The following FAM151B variants were observed in gnomAD, a reference collection of about 807,000 sequenced individuals.
FAM151B encodes family with sequence similarity 151 member B.
In FAM151B, 24 loss-of-function variants were observed where a neutral mutation model predicts 31.2. That is an observed-to-expected ratio of 0.77 (90% CI 0.56 to 1.08). The LOEUF (loss-of-function observed/expected upper bound fraction) is 1.08. Among genes scored for constraint, FAM151B ranks in the 50% least tolerant of loss-of-function variants. The pLI, the probability that FAM151B is intolerant of heterozygous loss-of-function variation, is 0.00. For missense variants in FAM151B, 293 were observed against 328.6 expected, an observed-to-expected ratio of 0.89 and a Z score of 0.84; for synonymous variants, 105 against 111.4, an observed-to-expected ratio of 0.94 and a Z score of 0.36.
intron 2 of FAM151B, chr5:80,506,222 A>T: frequency 1.9e-6 from 1 of 532,964 alleles, no homozygotes; most frequent in Non-Finnish European, 2.4e-6. Flanking sequence ...ACTGGGCTCA[A>T]TTAGACTCAA....
intron 5 of FAM151B, among the ~76,000 whole-genome samples, chr5:80,530,597 C>G (rs1745193504): frequency 6.6e-6 from 1 of 152,130 alleles, no homozygotes; most frequent in South Asian, 2.1e-4. Context: ...CAATAACAGG[C>G]AAACAGAGAG....
At chr5:80,490,999 A>C (rs1304776137) in intron 1 of FAM151B, among the ~76,000 whole-genome samples, 1 of 152,146 alleles carries the variant, frequency 6.6e-6, no homozygotes, top group Non-Finnish European at 1.5e-5. Flanking sequence ...CAAATAGCAA[A>C]CTTTCTTTTT....
At chr5:80,510,112 T>TC (rs1744125442) in intron 2 of FAM151B, among the ~76,000 whole-genome samples, 1 of 152,216 alleles carries the variant, frequency 6.6e-6, no homozygotes, top group African/African-American at 2.4e-5. Context: ...TGTAATAGAA[T>TC]ACCCAAAAAT....
chr5:80,525,574 A>G (rs964914740), intron 5 of FAM151B, among the ~76,000 whole-genome samples: 4 of 152,170 alleles, frequency 2.6e-5, no homozygotes, highest in African/African-American at 9.7e-5. Context: ...GGAAGGTCTC[A>G]GGAGGGTGGA....
intron 3 of FAM151B, among the ~76,000 whole-genome samples, chr5:80,517,520 GT>G (rs1252872986): frequency 8.5e-5 from 13 of 152,122 alleles, no homozygotes; most frequent in Admixed American, 8.5e-4. Flanking sequence ...ACAACAAAAA[GT>G]TTTTGGTTCT....
intron 5 of FAM151B, among the ~76,000 whole-genome samples, chr5:80,538,432 CTT>C (rs1246846175): frequency 6.1e-3 from 357 of 58,640 alleles, no homozygotes; most frequent in African/African-American, 0.021. Flanking sequence ...TTCTTTCTTT[CTT>C]TCTTTCTTTC....
chr5:80,499,009 G>T (rs1743646452), intron 1 of FAM151B: 2 of 162,710 alleles, frequency 1.2e-5, no homozygotes, highest in Non-Finnish European at 2.6e-5. Flanking sequence ...ACAGATGGCA[G>T]ATGGAAAAAA....
intron 2 of FAM151B, among the ~76,000 whole-genome samples, chr5:80,504,725 G>A (rs113087808): frequency 1.3e-5 from 2 of 151,828 alleles, no homozygotes; most frequent in Non-Finnish European, 2.9e-5. Flanking sequence ...TCACCATGTT[G>A]GCTAGGATGG....
chr5:80,498,753 CT>C, intron 1 of FAM151B: 1 of 555,142 alleles, frequency 1.8e-6, no homozygotes, highest in Admixed American at 2.0e-5. Context: ...AGACTTCTTC[CT>C]TTTCTTAGCA....
intron 2 of FAM151B, among the ~76,000 whole-genome samples, chr5:80,511,871 T>C (rs1744203942): frequency 6.6e-6 from 1 of 152,172 alleles, no homozygotes; most frequent in Non-Finnish European, 1.5e-5. Context: ...CCTCCCAAAG[T>C]GCTAGGATTA....
At chr5:80,538,074 T>A (rs1580461823) in intron 5 of FAM151B, among the ~76,000 whole-genome samples, 1 of 15,722 alleles carries the variant, frequency 6.4e-5, no homozygotes, top group Non-Finnish European at 1.3e-4. Flanking sequence ...ATTTTATTAA[T>A]TTTTTTTTTT....
rs368972371 is a variant in FAM151B, at chr5:80,488,695, G to T, written c.25+547G>T. 1.1e-4 allele frequency among the ~76,000 whole-genome samples: 17 copies of T among 152,340 alleles called. 1 individual carries two copies. The highest frequency in any genetic ancestry group is 3.8e-4 in the African/African-American group (16 of 41,580). The stretch of plus-strand genomic sequence containing the variant: ...ATCTTTTCTGTAAACTTAAGTAGTG[G>T]CATGAGACAACGTCAGTGACGCGTT... On this transcript the variant is annotated intron_variant, in intron 1 of 5. Coordinates refer to ENST00000282226, the MANE Select transcript of FAM151B (RefSeq NM_205548.3).
chr5:80,495,745 G>A (rs143430146), intron 1 of FAM151B, among the ~76,000 whole-genome samples: 2,547 of 148,712 alleles, frequency 0.017, 30 homozygotes, highest in Middle Eastern at 0.066. Context: ...CAGGAGAATG[G>A]CATGAACCCA....
intron 1 of FAM151B, among the ~76,000 whole-genome samples, chr5:80,496,858 C>T (rs1480932232): frequency 8.0e-6 from 1 of 124,692 alleles, no homozygotes; most frequent in Non-Finnish European, 1.6e-5. Flanking sequence ...TCACCCAAGC[C>T]GGAGTGCAGT....
chr5:80,507,137 A>AT (rs1491420965), intron 2 of FAM151B, among the ~76,000 whole-genome samples: 32 of 143,886 alleles, frequency 2.2e-4, no homozygotes, highest in African/African-American at 8.2e-4. Flanking sequence ...AAAAAAAAAA[A>AT]TGTGCTGGAC....
chr5:80,518,955 G>A (rs1404456718), intron 3 of FAM151B: 1 of 152,070 alleles, frequency 6.6e-6, no homozygotes, highest in Non-Finnish European at 1.5e-5. Flanking sequence ...AATGAACATA[G>A]GCAAGTAAAA....
rs190846988 is a variant in FAM151B, at chr5:80,542,183, A to C, written c.*351A>C. ...CACATGTGCTTGGCACTTGCATTACAGAGATTATGAAAAATATGGTACTCT... is the reference window on the plus strand; with the variant it reads ...CACATGTGCTTGGCACTTGCATTACCGAGATTATGAAAAATATGGTACTCT... On this transcript the variant is annotated 3_prime_UTR_variant, in exon 6 of 6. Transcript: ENST00000282226. 3.2e-3 allele frequency: 543 copies of C among 169,244 alleles called. 5 individuals carry two copies. The highest frequency in any genetic ancestry group is 4.5e-3 in the Non-Finnish European group (363 of 79,874). 10.5% of individuals were successfully genotyped at this position (169,244 alleles called of 1,614,324 possible).
At chr5:80,538,430 T>TTC (rs1253582318) in intron 5 of FAM151B, among the ~76,000 whole-genome samples, 37 of 58,860 alleles carry the variant, frequency 6.3e-4, no homozygotes, top group African/African-American at 2.9e-3. Context: ...CTTTCTTTCT[T>TTC]TCTTTCTTTC....
At chr5:80,512,631 A>C (rs1037806963) in intron 2 of FAM151B, among the ~76,000 whole-genome samples, 3 of 152,010 alleles carry the variant, frequency 2.0e-5, no homozygotes, top group Non-Finnish European at 4.4e-5. Flanking sequence ...TTTTTAAAAA[A>C]ATCAGCTGGG....
Sources: gnomAD v4.1 joint callset for allele counts (sites outside exome capture counted in the v4.1 genomes callset) on GRCh38, gnomAD v4.1.1 for gene constraint, MANE v1.5 for transcripts, NCBI Gene and HGNC (gene_info 2026-07-23, HGNC 2026-07-21) for gene names.